Variants in KATNAL1 observed in about 807,000 individuals in gnomAD.
The protein encoded by KATNAL1 is katanin catalytic subunit A1 like 1.
A neutral mutation model predicts 55.2 loss-of-function variants in KATNAL1; 32 were observed. The ratio of observed to expected loss-of-function variants is 0.58; its 90% CI spans 0.44 to 0.78. KATNAL1 has a LOEUF of 0.78. Among genes scored for constraint, KATNAL1 ranks in the 30% least tolerant of loss-of-function variants. The probability of loss-of-function intolerance (pLI) is 0.00; values close to 1 mark genes in which losing one functional copy is unlikely to be tolerated. For synonymous variants in KATNAL1, 193 were observed against 193.6 expected, an observed-to-expected ratio of 1.00 and a Z score of 0.02; for missense variants, 466 against 600.9, an observed-to-expected ratio of 0.78 and a Z score of 2.35.
chr13:30,297,090 A>G (rs34854766), intron 1 of KATNAL1, among the ~76,000 whole-genome samples: 32,410 of 150,816 alleles, frequency 0.21, 3,705 homozygotes, highest in East Asian at 0.3. Flanking sequence ...AGTTATGATC[A>G]CACCACTACG....
chr13:30,229,287 T>G (rs1291892649), intron 8 of KATNAL1, among the ~76,000 whole-genome samples: 1 of 152,002 alleles, frequency 6.6e-6, no homozygotes, highest in Admixed American at 6.6e-5. Flanking sequence ...GTGCCTCTCC[T>G]GTGTTTTCCA....
At chr13:30,227,092 T>C (rs139836573) in intron 9 of KATNAL1, among the ~76,000 whole-genome samples, 78 of 93,762 alleles carry the variant, frequency 8.3e-4, no homozygotes, top group African/African-American at 3.3e-3. Flanking sequence ...AATAAATAAA[T>C]ATGTGTACAC....
chr13:30,220,936 TG>T (rs1392352871), intron 9 of KATNAL1, among the ~76,000 whole-genome samples: 1 of 152,200 alleles, frequency 6.6e-6, no homozygotes, highest in Non-Finnish European at 1.5e-5. Context: ...TGACCTCAGG[TG>T]ATCTGCCCAC....
chr13:30,292,883 C>A (rs566136673), intron 1 of KATNAL1, among the ~76,000 whole-genome samples: 2 of 152,196 alleles, frequency 1.3e-5, no homozygotes, highest in South Asian at 4.1e-4. Context: ...TGGCATTTCC[C>A]TAATACATTT....
At chr13:30,226,978 A>C (rs571430457) in intron 9 of KATNAL1, among the ~76,000 whole-genome samples, 1 of 152,290 alleles carries the variant, frequency 6.6e-6, no homozygotes, top group Non-Finnish European at 1.5e-5. Context: ...TGGAAGGCTA[A>C]GGCACAAGAA....
chr13:30,248,423 C>A (rs558299417), intron 4 of KATNAL1, among the ~76,000 whole-genome samples: 2 of 152,106 alleles, frequency 1.3e-5, no homozygotes, highest in Non-Finnish European at 1.5e-5. Context: ...AAACCCAGCA[C>A]TATAAATTAG....
At chr13:30,259,883 G>A (rs1224609273) in intron 3 of KATNAL1, among the ~76,000 whole-genome samples, 1 of 152,214 alleles carries the variant, frequency 6.6e-6, no homozygotes, top group Admixed American at 6.5e-5. Context: ...AACTCAAGGA[G>A]GCCTGCCTGC....
intron 5 of KATNAL1, 83 bp from the exon 6 acceptor site, chr13:30,240,648 T>A (rs921553875): frequency 1.3e-5 from 12 of 950,360 alleles, no homozygotes; most frequent in Middle Eastern, 2.2e-4. Context: ...AATTTTTTTT[T>A]ACTTATGAAA....
At chr13:30,304,393 CT>C (rs1883054327) in intron 1 of KATNAL1, among the ~76,000 whole-genome samples, 1 of 152,044 alleles carries the variant, frequency 6.6e-6, no homozygotes, top group Admixed American at 6.6e-5. Flanking sequence ...CCTCAGCCTC[CT>C]GAGTAGCTGG....
chr13:30,272,685 T>C (rs951624173), intron 3 of KATNAL1, among the ~76,000 whole-genome samples: 12 of 152,196 alleles, frequency 7.9e-5, no homozygotes, highest in Admixed American at 6.5e-5. Flanking sequence ...TAGGCACTTA[T>C]TGTATTACAT....
intron 1 of KATNAL1, among the ~76,000 whole-genome samples, chr13:30,302,075 T>C (rs897598509): frequency 6.6e-6 from 1 of 152,196 alleles, no homozygotes; most frequent in Non-Finnish European, 1.5e-5. Flanking sequence ...TCTCGCCATG[T>C]TGCCCAGGCA....
intron 2 of KATNAL1, among the ~76,000 whole-genome samples, chr13:30,283,292 G>A (rs2428146): frequency 0.96 from 80,044 of 83,078 alleles, 38,518 homozygotes; most frequent in Non-Finnish European, 0.97. Context: ...AAAAAAAAAA[G>A]GAATGAATGA....
At chr13:30,305,349 A>C (rs570084032) in intron 1 of KATNAL1, among the ~76,000 whole-genome samples, 37 of 152,316 alleles carry the variant, frequency 2.4e-4, no homozygotes, top group African/African-American at 8.9e-4. Flanking sequence ...TGTGCCATCC[A>C]TTTGTCCTAG....
chr13:30,243,001 T>C (rs1877426590), intron 4 of KATNAL1, among the ~76,000 whole-genome samples: 4 of 151,950 alleles, frequency 2.6e-5, no homozygotes, highest in African/African-American at 9.7e-5. Flanking sequence ...AGGAAACTAT[T>C]AGTTAAAGGA....
intron 1 of KATNAL1, among the ~76,000 whole-genome samples, chr13:30,294,869 G>A (rs1296818364): frequency 6.6e-6 from 1 of 152,192 alleles, no homozygotes; most frequent in Non-Finnish European, 1.5e-5. Flanking sequence ...TAAGAGTTAT[G>A]CTGAAGCTAC....
intron 3 of KATNAL1, 94 bp downstream of exon 3, chr13:30,279,969 C>A: frequency 9.0e-7 from 1 of 1,111,600 alleles, no homozygotes; most frequent in East Asian, 2.6e-5. Flanking sequence ...TTACATGTCC[C>A]CAAAAATAAT....
At position 30,204,875 on chromosome 13, in the gene KATNAL1, G is replaced by A. The variant is rs886679455; in HGVS notation, c.*3665C>T. On this transcript the variant is annotated 3_prime_UTR_variant, in exon 11 of 11. Coordinates refer to ENST00000380615, the MANE Select transcript of KATNAL1 (RefSeq NM_032116.5). Reference sequence around the variant, plus strand: ...ATTGTGGGAGGTAGTGGTCAGACCCGAAAGTGTGTAGATAAAGTCTGTGAT... The same window carrying A: ...ATTGTGGGAGGTAGTGGTCAGACCCAAAAGTGTGTAGATAAAGTCTGTGAT... 2 of 152,140 alleles carry A rather than the reference G, an allele frequency of 1.3e-5. No individual in the cohort carries two copies. The highest frequency in any genetic ancestry group is 4.8e-5 in the African/African-American group (2 of 41,430). The allele number at this position is 152,140 out of a possible 1,614,324, so 9.4% of individuals were successfully genotyped here.
chr13:30,244,684 C>T (rs1877609805), intron 4 of KATNAL1, among the ~76,000 whole-genome samples: 1 of 152,092 alleles, frequency 6.6e-6, no homozygotes, highest in South Asian at 2.1e-4. Flanking sequence ...ACAGAAGAAT[C>T]AAATAGACAT....
chr13:30,266,548 TG>T (rs1401665827), intron 3 of KATNAL1, among the ~76,000 whole-genome samples: 1 of 152,156 alleles, frequency 6.6e-6, no homozygotes, highest in African/African-American at 2.4e-5. Flanking sequence ...TTTTCATGCA[TG>T]AAAAAAATCA....
Sources: allele counts gnomAD v4.1 joint callset (sites outside exome capture counted in the v4.1 genomes callset), GRCh38; gene constraint gnomAD v4.1.1; transcripts MANE v1.5; gene names NCBI Gene and HGNC (gene_info 2026-07-23, HGNC 2026-07-21).